Variants in KLHL29 observed in about 807,000 individuals in gnomAD.
KLHL29 encodes kelch-like protein 29.
KLHL29 carries 21 observed loss-of-function variants against 80.4 expected under a neutral mutation model. The ratio of observed to expected loss-of-function variants is 0.26; its 90% CI spans 0.19 to 0.38. The LOEUF (loss-of-function observed/expected upper bound fraction) is 0.38, where lower values mean the gene tolerates loss of function less well. Among genes scored for constraint, KLHL29 ranks in the 10% least tolerant of loss-of-function variants. The pLI, the probability that KLHL29 is intolerant of heterozygous loss-of-function variation, is 1.00. For missense variants in KLHL29, 867 were observed against 1,223.9 expected (o/e 0.71, Z 4.35); for synonymous variants, 511 against 526.8 (o/e 0.97, Z 0.41).
intron 5 of KLHL29, among the ~76,000 whole-genome samples, chr2:23,670,731 C>A (rs1415816305): frequency 6.6e-6 from 1 of 151,942 alleles, no homozygotes; most frequent in Non-Finnish European, 1.5e-5. Flanking sequence ...GACTCTTGGG[C>A]TTTTACCTCC....
At chr2:23,395,450 G>A (rs548406492) in intron 1 of KLHL29, among the ~76,000 whole-genome samples, 25 of 152,302 alleles carry the variant, frequency 1.6e-4, no homozygotes, top group Admixed American at 3.3e-4. Flanking sequence ...TAAGCATTTA[G>A]AAACTACGAT....
rs57637967 is a variant in KLHL29, at chr2:23,501,816, C to T, written c.-46+26149C>T. Reference sequence around the variant, plus strand: ...GTTTTGCACTGACAAATGCAGACATCTGTGTAACCCACATTCCTATCAAGT... The same window carrying T: ...GTTTTGCACTGACAAATGCAGACATTTGTGTAACCCACATTCCTATCAAGT... On this transcript the variant is annotated intron_variant, in intron 2 of 13. Transcript: ENST00000486442. 9.8e-3 allele frequency among the ~76,000 whole-genome samples: 1,491 copies of T among 152,306 alleles called. 21 individuals carry two copies. The highest frequency in any genetic ancestry group is 0.034 in the African/African-American group (1,420 of 41,552).
chr2:23,390,843 G>A (rs911458696), intron 1 of KLHL29, among the ~76,000 whole-genome samples: 2 of 151,660 alleles, frequency 1.3e-5, no homozygotes, highest in African/African-American at 2.4e-5. Context: ...TAGTAGAGAC[G>A]GGGTTTCACC....
chr2:23,407,759 G>C (rs1248027982), intron 1 of KLHL29, among the ~76,000 whole-genome samples: 3 of 150,816 alleles, frequency 2.0e-5, no homozygotes, highest in Non-Finnish European at 4.4e-5. Context: ...CTTTTTATCA[G>C]GTTTTCTCAT....
rs796393499 is a variant in KLHL29 at position 23,606,141 on chromosome 2, T to A, written c.286-32998T>A. ...GTGGGGGGATCATTCCGTGAGCTAG[T>A]GTGTGTGTGTGTGTATGTGTGTGTG... On this transcript the variant is annotated intron_variant, in intron 3 of 13. Transcript: ENST00000486442. Among the ~76,000 whole-genome samples, 13 of 145,004 alleles carry A rather than the reference T, an allele frequency of 9.0e-5. No individual in the cohort carries two copies. The East Asian group carries it at 1.4e-3, about 16-fold the overall frequency.
intron 1 of KLHL29, among the ~76,000 whole-genome samples, chr2:23,432,637 C>T (rs992251889): frequency 6.6e-6 from 1 of 152,208 alleles, no homozygotes; most frequent in East Asian, 1.9e-4. Flanking sequence ...GAGAAGGCAG[C>T]GGAGCTCCTG....
intron 3 of KLHL29, among the ~76,000 whole-genome samples, chr2:23,613,574 G>A (rs976404423): frequency 2.6e-5 from 4 of 151,988 alleles, no homozygotes; most frequent in African/African-American, 9.7e-5. Flanking sequence ...GACCAGCCTG[G>A]CCAACATGGT....
At chr2:23,489,308 A>T (rs934363) in intron 2 of KLHL29, among the ~76,000 whole-genome samples, 1 of 151,802 alleles carries the variant, frequency 6.6e-6, no homozygotes, top group Non-Finnish European at 1.5e-5. Flanking sequence ...CTGGGGATGG[A>T]TTGTCTCTGA....
chr2:23,492,230 C>G (rs928739989), intron 2 of KLHL29, among the ~76,000 whole-genome samples: 2 of 152,236 alleles, frequency 1.3e-5, no homozygotes, highest in Non-Finnish European at 2.9e-5. Context: ...ACCTGGGATG[C>G]TATTCCCATG....
chr2:23,437,197 G>A (rs1019637273), intron 1 of KLHL29, among the ~76,000 whole-genome samples: 4 of 152,114 alleles, frequency 2.6e-5, no homozygotes, highest in Non-Finnish European at 2.9e-5. Context: ...AACAGACTTG[G>A]GTAAAATCAA....
chr2:23,701,993 T>G (rs1410041781), intron 11 of KLHL29, among the ~76,000 whole-genome samples: 1 of 136,418 alleles, frequency 7.3e-6, no homozygotes, highest in African/African-American at 2.6e-5. Flanking sequence ...TTTTTTTTTT[T>G]TGTATTTTTA....
rs943047157 is a variant in KLHL29, at chr2:23,669,698, G to T, written c.941-14701G>T. Among the ~76,000 whole-genome samples, 15 of 152,108 alleles carry T rather than the reference G, an allele frequency of 9.9e-5. No individual in the cohort carries two copies. Among genetic ancestry groups the T allele is most frequent in the Non-Finnish European group, 1.3e-4 (9 of 68,014 alleles). On this transcript the variant is annotated intron_variant, in intron 5 of 13. Transcript: ENST00000486442. This position sits in a 1 kb window ranked among gnomAD's most constrained non-coding sequence, Gnocchi z 4.3. ...GGTCCCCCCTCTGTGTGGCTGCCCT[G>T]CCACCCCCAGTCAGCCTCTGAGCAC...
intron 2 of KLHL29, among the ~76,000 whole-genome samples, chr2:23,496,186 G>A (rs1665261583): frequency 6.6e-6 from 1 of 152,224 alleles, no homozygotes; most frequent in Admixed American, 6.5e-5. Context: ...GATATCAGCT[G>A]TTCCTGGAGC....
chr2:23,686,681 G>A (rs921624855), intron 6 of KLHL29, among the ~76,000 whole-genome samples: 2 of 152,160 alleles, frequency 1.3e-5, no homozygotes, highest in Non-Finnish European at 1.5e-5. Context: ...TGACCATCTG[G>A]TGTGTCAAGC....
chr2:23,461,632 C>T (rs1354107026), intron 1 of KLHL29, among the ~76,000 whole-genome samples: 3 of 151,256 alleles, frequency 2.0e-5, no homozygotes, highest in East Asian at 3.9e-4. Flanking sequence ...GGTATCCATA[C>T]GTGACCCCTC....
chr2:23,558,248 C>T (rs2103494133), intron 2 of KLHL29, among the ~76,000 whole-genome samples: 1 of 152,280 alleles, frequency 6.6e-6, no homozygotes, highest in Middle Eastern at 3.4e-3. Context: ...GATGCAGTGT[C>T]CCTGAGGCAG....
At chr2:23,408,052 G>C (rs1666774664) in intron 1 of KLHL29, among the ~76,000 whole-genome samples, 1 of 151,822 alleles carries the variant, frequency 6.6e-6, no homozygotes, top group Non-Finnish European at 1.5e-5. Flanking sequence ...TTAAATTCTT[G>C]TATAGACTAG....
intron 3 of KLHL29, among the ~76,000 whole-genome samples, chr2:23,622,506 G>A (rs1313654057): frequency 6.6e-6 from 1 of 152,182 alleles, no homozygotes; most frequent in Non-Finnish European, 1.5e-5. Context: ...TGCGAATGAT[G>A]GGTCCCAAGA....
chr2:23,421,108 C>A (rs181121259), intron 1 of KLHL29, among the ~76,000 whole-genome samples: 3 of 152,232 alleles, frequency 2.0e-5, no homozygotes, highest in African/African-American at 7.2e-5. Flanking sequence ...CAGGGTGACT[C>A]GCTCAGTAGT....
Sources: allele counts gnomAD v4.1 joint callset (sites outside exome capture counted in the v4.1 genomes callset), GRCh38; gene constraint gnomAD v4.1.1; non-coding constraint Gnocchi (gnomAD v3.1); transcripts MANE v1.5; gene names NCBI Gene and HGNC (gene_info 2026-07-23, HGNC 2026-07-21).